The following LIPC variants were observed in gnomAD, a reference collection of about 807,000 sequenced individuals.
LIPC encodes lipase C, hepatic type, also known as hepatic triacylglycerol lipase.
In LIPC, 44 loss-of-function variants were observed where a neutral mutation model predicts 50.7. That is an observed-to-expected ratio of 0.87 (90% CI 0.68 to 1.11). LIPC has a LOEUF of 1.11. LIPC is among the 50% of genes most tolerant of loss of function. The probability of loss-of-function intolerance (pLI) is 0.00; values close to 1 mark genes in which losing one functional copy is unlikely to be tolerated. For missense variants in LIPC, 697 were observed against 648.2 expected (o/e 1.08, Z -0.82); for synonymous variants, 271 against 256.4 (o/e 1.06, Z -0.54).
chr15:58,485,498 C>T (rs550744626), intron 1 of LIPC, among the ~76,000 whole-genome samples: 1 of 130,816 alleles, frequency 7.6e-6, no homozygotes, highest in Non-Finnish European at 1.7e-5. Flanking sequence ...TGCTTCAGGG[C>T]TCCAGACCCT....
chr15:58,472,367 G>C (rs1652990878), intron 1 of LIPC, among the ~76,000 whole-genome samples: 1 of 151,762 alleles, frequency 6.6e-6, no homozygotes, highest in African/African-American at 2.4e-5. Context: ...ATGAGGCCAG[G>C]TGTTCAAGAC....
chr15:58,524,581 A>T (rs746380817), intron 1 of LIPC, among the ~76,000 whole-genome samples: 1 of 152,246 alleles, frequency 6.6e-6, no homozygotes, highest in Non-Finnish European at 1.5e-5. Flanking sequence ...GTGTGGTCAC[A>T]CTTTTTAATG....
At chr15:58,537,790 C>T (rs1371905345) in intron 1 of LIPC, among the ~76,000 whole-genome samples, 1 of 152,114 alleles carries the variant, frequency 6.6e-6, no homozygotes, top group African/African-American at 2.4e-5. Context: ...CCCAACCCTG[C>T]CCCACACTCA....
At chr15:58,496,097 T>A (rs1329565517) in intron 1 of LIPC, among the ~76,000 whole-genome samples, 1 of 152,126 alleles carries the variant, frequency 6.6e-6, no homozygotes, top group Admixed American at 6.5e-5. Context: ...ACGAGTTGGA[T>A]CTAGGGCAGT....
At chr15:58,485,336 G>A (rs925806867) in intron 1 of LIPC, among the ~76,000 whole-genome samples, 4 of 152,300 alleles carry the variant, frequency 2.6e-5, no homozygotes, top group African/African-American at 9.6e-5. Context: ...TGATGGGTGA[G>A]GAGAGGGAGG....
intron 1 of LIPC, among the ~76,000 whole-genome samples, chr15:58,470,559 G>A (rs1052190349): frequency 3.3e-5 from 5 of 150,322 alleles, no homozygotes; most frequent in Non-Finnish European, 7.4e-5. Context: ...ATACAGAATT[G>A]GAAAAGACAA....
At chr15:58,445,771 G>T (rs1258068258) in intron 1 of LIPC, among the ~76,000 whole-genome samples, 2 of 152,190 alleles carry the variant, frequency 1.3e-5, no homozygotes, top group Non-Finnish European at 2.9e-5. Flanking sequence ...GTAAAGAGAA[G>T]ATTACTATTA....
At chr15:58,549,834 G>C (rs1303429713) in intron 6 of LIPC, among the ~76,000 whole-genome samples, 1 of 152,232 alleles carries the variant, frequency 6.6e-6, no homozygotes, top group Non-Finnish European at 1.5e-5. Flanking sequence ...AGGGCTGGAG[G>C]AGATGGCAGC....
At chr15:58,500,325 C>G (rs1891938687) in intron 1 of LIPC, among the ~76,000 whole-genome samples, 1 of 152,136 alleles carries the variant, frequency 6.6e-6, no homozygotes, top group Non-Finnish European at 1.5e-5. Flanking sequence ...ATGTAAGCGC[C>G]CAACAGATGG....
intron 1 of LIPC, among the ~76,000 whole-genome samples, chr15:58,535,856 A>G (rs1338318589): frequency 6.6e-6 from 1 of 152,234 alleles, no homozygotes; most frequent in Non-Finnish European, 1.5e-5. Flanking sequence ...TAAAATGAAG[A>G]AAGGTGTAGT....
At position 58,461,398 on chromosome 15, in the gene LIPC, C is replaced by G. The variant is rs569592251; in HGVS notation, c.88+29278C>G. On this transcript the variant is annotated intron_variant, in intron 1 of 8. Transcript: ENST00000299022. ...CCAGGATTTGAACACAGTCTCAGTACAGAGCCTATGGTTTCTTTGTTTTTG... is the reference window on the plus strand; with the variant it reads ...CCAGGATTTGAACACAGTCTCAGTAGAGAGCCTATGGTTTCTTTGTTTTTG... Among the ~76,000 whole-genome samples the G allele has an allele frequency of 3.3e-5, 5 of 152,222 alleles. No individual in the cohort carries two copies. In the South Asian group the frequency reaches 1.0e-3, roughly 32 times the overall value.
At chr15:58,457,280 T>A in intron 1 of LIPC, among the ~76,000 whole-genome samples, 1 of 152,174 alleles carries the variant, frequency 6.6e-6, no homozygotes. Flanking sequence ...TGGCTAATTT[T>A]TGTATTTTTA....
intron 1 of LIPC, among the ~76,000 whole-genome samples, chr15:58,444,696 C>G (rs887116636): frequency 6.6e-6 from 1 of 152,162 alleles, no homozygotes; most frequent in Non-Finnish European, 1.5e-5. Flanking sequence ...ACCCCAGTGA[C>G]CTTATTTCAC....
At chr15:58,502,436 G>A (rs1892014371) in intron 1 of LIPC, among the ~76,000 whole-genome samples, 1 of 151,930 alleles carries the variant, frequency 6.6e-6, no homozygotes, top group South Asian at 2.1e-4. Flanking sequence ...GGAAAAGGTG[G>A]TGTCGCATCC....
At chr15:58,535,815 A>T (rs1222785607) in intron 1 of LIPC, among the ~76,000 whole-genome samples, 1 of 152,332 alleles carries the variant, frequency 6.6e-6, no homozygotes, top group South Asian at 2.1e-4. Context: ...TTATTTTCAT[A>T]TGACCCTCTT....
chr15:58,566,787 T>C (rs1168155212), intron 8 of LIPC, among the ~76,000 whole-genome samples: 2 of 152,178 alleles, frequency 1.3e-5, no homozygotes, highest in East Asian at 3.9e-4. Context: ...AGTACTCATA[T>C]AAATGCAAAA....
chr15:58,500,626 C>T (rs891553064), intron 1 of LIPC, among the ~76,000 whole-genome samples: 24 of 152,146 alleles, frequency 1.6e-4, no homozygotes, highest in Non-Finnish European at 3.4e-4. Flanking sequence ...TTCATATGTG[C>T]TGCTACTAAG....
rs1472353667 is a variant in LIPC, at chr15:58,493,684, TAAATA to T, written c.89-44644_89-44640del. Among the ~76,000 whole-genome samples the T allele has an allele frequency of 2.0e-5, 3 of 147,994 alleles. No homozygotes were observed. The Admixed American group carries it at 2.0e-4, about 10-fold the overall frequency. On this transcript the variant is annotated intron_variant, in intron 1 of 8. Coordinates refer to ENST00000299022, the MANE Select transcript of LIPC (RefSeq NM_000236.3). ...AAATTTATACAAAATTTATTACGTATAAATAAAATTTATACAAAATTTTGTATATA... is the reference window on the plus strand; with the variant it reads ...AAATTTATACAAAATTTATTACGTATAAATTTATACAAAATTTTGTATATA...
chr15:58,461,709 G>A (rs1215487883), intron 1 of LIPC, among the ~76,000 whole-genome samples: 1 of 151,708 alleles, frequency 6.6e-6, no homozygotes, highest in African/African-American at 2.4e-5. Flanking sequence ...TGAGCCACTG[G>A]GCCCCGCCAC....
Sources: allele counts gnomAD v4.1 joint callset (sites outside exome capture counted in the v4.1 genomes callset), GRCh38; gene constraint gnomAD v4.1.1; transcripts MANE v1.5; gene names NCBI Gene and HGNC (gene_info 2026-07-23, HGNC 2026-07-21).